EPHB2: variants seen among roughly 807,000 people sequenced by gnomAD.
EPHB2 encodes the protein ephrin type-B receptor 2.
Under a neutral mutation model 96.4 loss-of-function variants are expected in EPHB2, and 18 were observed. The ratio of observed to expected loss-of-function variants is 0.19; its 90% CI spans 0.13 to 0.28. EPHB2 has a LOEUF of 0.28. Among genes scored for constraint, EPHB2 ranks in the 10% least tolerant of loss-of-function variants. EPHB2 has a pLI of 1.00. For missense variants in EPHB2, 989 were observed against 1,355.4 expected (o/e 0.73, Z 4.25); for synonymous variants, 506 against 534.1 (o/e 0.95, Z 0.72).
chr1:22,857,275 C>T (rs1012226826), intron 3 of EPHB2, among the ~76,000 whole-genome samples: 2 of 152,168 alleles, frequency 1.3e-5, no homozygotes, highest in Non-Finnish European at 2.9e-5. Context: ...TTCCCCTCAA[C>T]TGCCAGTTTA....
intron 9 of EPHB2, among the ~76,000 whole-genome samples, chr1:22,904,635 G>A (rs1570463226): frequency 1.3e-5 from 2 of 152,234 alleles, no homozygotes; most frequent in African/African-American, 4.8e-5. Flanking sequence ...GGAACAGATA[G>A]TAAATATTTT....
At chr1:22,726,208 C>T (rs965449649) in intron 1 of EPHB2, among the ~76,000 whole-genome samples, 1 of 152,148 alleles carries the variant, frequency 6.6e-6, no homozygotes, top group African/African-American at 2.4e-5. Flanking sequence ...TTTTCTCCTT[C>T]TCCTACTCCA....
chr1:22,831,185 T>TG (rs1359999095), intron 3 of EPHB2, among the ~76,000 whole-genome samples: 8 of 152,136 alleles, frequency 5.3e-5, no homozygotes, highest in Non-Finnish European at 1.0e-4. Flanking sequence ...GCAGGTCCAC[T>TG]GGGGATGAAG....
intron 1 of EPHB2, among the ~76,000 whole-genome samples, chr1:22,767,301 T>C (rs1208618418): frequency 6.6e-6 from 1 of 152,080 alleles, no homozygotes; most frequent in Non-Finnish European, 1.5e-5. Flanking sequence ...CCTGAGCCCT[T>C]CCCGACGCCA....
Position 22,913,358 on chromosome 1 carries a change from C to T in EPHB2, c.2853-104C>T, listed in dbSNP as rs997673774. ...CCCCACTCCCCACTCCCCAGTACTC[C>T]TTGCTTTGCCATCTTCCTCCCGGGG... is the stretch of plus-strand genomic sequence containing the variant. On this transcript the variant is annotated intron_variant, in intron 15 of 15. Transcript: ENST00000374630. This position sits in a 1 kb window ranked among gnomAD's most constrained non-coding sequence, Gnocchi z 4.1. 6.8e-7 allele frequency: 1 copy of T among 1,471,056 alleles called. No individual in the cohort carries two copies. Among genetic ancestry groups the T allele is most frequent in the African/African-American group, 1.4e-5 (1 of 71,474 alleles). The allele number at this position is 1,471,056 out of a possible 1,614,324, so 91.1% of individuals were successfully genotyped here. A position where few individuals can be genotyped will look rare whatever the true frequency, so the allele number is the denominator to read the frequency against.
At chr1:22,897,138 A>G (rs562138418) in intron 9 of EPHB2, among the ~76,000 whole-genome samples, 46 of 151,936 alleles carry the variant, frequency 3.0e-4, no homozygotes, top group Non-Finnish European at 6.0e-4. Flanking sequence ...GTCCCATCCT[A>G]TATCAGGCCA....
chr1:22,747,604 G>T (rs1196967274), intron 1 of EPHB2, among the ~76,000 whole-genome samples: 1 of 152,262 alleles, frequency 6.6e-6, no homozygotes, highest in Non-Finnish European at 1.5e-5. Flanking sequence ...GGGGTGGCAT[G>T]TGGTCTGTGA....
At chr1:22,721,014 C>T (rs1052063751) in intron 1 of EPHB2, among the ~76,000 whole-genome samples, 4 of 152,146 alleles carry the variant, frequency 2.6e-5, no homozygotes, top group Non-Finnish European at 5.9e-5. Flanking sequence ...ATTTCAGGCA[C>T]TACAGAAGGC....
intron 3 of EPHB2, among the ~76,000 whole-genome samples, chr1:22,819,968 T>C (rs1167673755): frequency 6.6e-6 from 1 of 151,966 alleles, no homozygotes; most frequent in Non-Finnish European, 1.5e-5. Context: ...TCATGTATCC[T>C]CCATGCTGAA....
intron 2 of EPHB2, 108 bp downstream of exon 2, chr1:22,781,593 C>A: frequency 8.7e-7 from 1 of 1,142,914 alleles, no homozygotes; most frequent in Non-Finnish European, 1.3e-6. Flanking sequence ...CTCTTCAGGA[C>A]CCAGAGCCAG....
At chr1:22,713,647 G>A (rs567107438) in intron 1 of EPHB2, among the ~76,000 whole-genome samples, 25 of 152,318 alleles carry the variant, frequency 1.6e-4, no homozygotes, top group African/African-American at 5.8e-4. Context: ...AGTCTGTGGA[G>A]ACAGGACTGG....
intron 11 of EPHB2, 102 bp from the exon 12 acceptor site, chr1:22,907,851 C>T: frequency 1.4e-6 from 2 of 1,443,332 alleles, no homozygotes; most frequent in Non-Finnish European, 1.9e-6. Context: ...AGCCCAGAGC[C>T]AGGCTGGCAG....
intron 5 of EPHB2, among the ~76,000 whole-genome samples, chr1:22,874,166 A>G (rs568639403): frequency 2.6e-5 from 4 of 152,338 alleles, no homozygotes; most frequent in African/African-American, 9.6e-5. Context: ...CAGCCCAGAC[A>G]GCTGCATTTG....
chr1:22,912,599 A>C lies in EPHB2; in HGVS notation c.2852A>C (p.Glu951Ala), dbSNP rs540876485. The change falls in exon 15 of 16, where the codon GAG becomes GCG. Residue 951 changes from glutamate to alanine, a missense_variant and splice_region_variant. Coordinates refer to ENST00000374630, the MANE Select transcript of EPHB2 (RefSeq NM_017449.5). The stretch of plus-strand genomic sequence containing the variant: ...GACGTCGTGTCTCAGATGATGATGG[A>C]GTAAGTGCCCAGCCACTTCTGCTTG... ...SFDVVSQMMM[E>A]DILRVGVTLA... 6.2e-7 allele frequency: 1 copy of C among 1,613,672 alleles called. No homozygotes were observed. The highest frequency in any genetic ancestry group is 2.2e-5 in the East Asian group (1 of 44,814).
At chr1:22,799,237 G>T (rs1644808839) in intron 3 of EPHB2, among the ~76,000 whole-genome samples, 1 of 152,074 alleles carries the variant, frequency 6.6e-6, no homozygotes, top group Admixed American at 6.5e-5. Context: ...GGTCCTTGTG[G>T]CACTCCTCGA....
chr1:22,858,729 C>T lies in EPHB2; in HGVS notation c.812-4308C>T, dbSNP rs1645743851. 6.6e-6 allele frequency among the ~76,000 whole-genome samples: 1 copy of T among 152,134 alleles called. No homozygotes were observed. Among genetic ancestry groups the T allele is most frequent in the South Asian group, 2.1e-4 (1 of 4,822 alleles). ...CAGAGGTAGCTGATGGGAGCTGAGG[C>T]CCCAGTGCACCCCACAGTCACACAG... On this transcript the variant is annotated intron_variant, in intron 3 of 15. Transcript: ENST00000374630. This position sits in a 1 kb window ranked among gnomAD's most constrained non-coding sequence, Gnocchi z 7.7.
At chr1:22,714,879 C>G (rs566831293) in intron 1 of EPHB2, among the ~76,000 whole-genome samples, 98 of 152,310 alleles carry the variant, frequency 6.4e-4, no homozygotes, top group Non-Finnish European at 5.1e-4. Context: ...TTCCCTGATT[C>G]TCTCTTCTAA....
chr1:22,805,322 TCA>T (rs891065004), intron 3 of EPHB2, among the ~76,000 whole-genome samples: 2 of 152,150 alleles, frequency 1.3e-5, no homozygotes, highest in Non-Finnish European at 2.9e-5. Flanking sequence ...TCTCTCAGCC[TCA>T]GTTTCCCCCC....
rs907085684 is a variant in EPHB2 at position 22,739,835 on chromosome 1, G to A, written c.61+28792G>A. Among the ~76,000 whole-genome samples, 16 of 152,166 alleles carry A rather than the reference G, an allele frequency of 1.1e-4. 1 individual carries two copies. The highest frequency in any genetic ancestry group is 5.8e-4 in the East Asian group (3 of 5,184). On this transcript the variant is annotated intron_variant, in intron 1 of 15. Transcript: ENST00000374630. ...CACATGCCCGGCCTGGCCTGGAATCGTTCTCGGATTTGATGAGTGATTCAT... is the reference window on the plus strand; with the variant it reads ...CACATGCCCGGCCTGGCCTGGAATCATTCTCGGATTTGATGAGTGATTCAT...
Sources: gnomAD v4.1 joint callset for allele counts (sites outside exome capture counted in the v4.1 genomes callset) on GRCh38, gnomAD v4.1.1 for gene constraint, Gnocchi (gnomAD v3.1) non-coding constraint, MANE v1.5 for transcripts, NCBI Gene and HGNC (gene_info 2026-07-23, HGNC 2026-07-21) for gene names.